The following LITAF variants were observed in gnomAD, a reference collection of about 807,000 sequenced individuals.
LITAF encodes the protein lipopolysaccharide induced TNF factor, also known as lipopolysaccharide-induced tumor necrosis factor-alpha factor.
LITAF carries 9 observed loss-of-function variants against 14.5 expected under a neutral mutation model. The observed-to-expected ratio is 0.62, with a 90% CI of 0.37 to 1.08. The LOEUF is 1.08. LITAF is among the 50% of genes least tolerant of loss of function. The pLI, the probability that LITAF is intolerant of heterozygous loss-of-function variation, is 0.01. For missense variants in LITAF, 206 were observed against 213.4 expected (o/e 0.97, Z 0.22); for synonymous variants, 98 against 88.2 (o/e 1.11, Z -0.62).
At chr16:11,629,468 C>G (rs2065105152) in intron 3 of LITAF, among the ~76,000 whole-genome samples, 1 of 152,138 alleles carries the variant, frequency 6.6e-6, no homozygotes, top group Admixed American at 6.6e-5. Context: ...CTGAGTCAGT[C>G]CCACCAGGAG....
At chr16:11,577,340 C>T (rs1308536221) in intron 1 of LITAF, among the ~76,000 whole-genome samples, 3 of 123,454 alleles carry the variant, frequency 2.4e-5, no homozygotes, top group East Asian at 2.5e-4. Context: ...TTTTTTGAGA[C>T]GGAGTCTCCC....
Position 11,619,574 on chromosome 16 carries a change from G to T in LITAF, c.85+13959C>A, listed in dbSNP as rs916874088. Among the ~76,000 whole-genome samples, 24 of 144,314 alleles carry T rather than the reference G, an allele frequency of 1.7e-4. No homozygotes were observed. In the East Asian group the frequency reaches 3.6e-3, roughly 22 times the overall value. 94.7% of individuals were successfully genotyped at this position (144,314 alleles called of 152,430 possible). ...TATTCTACTTTCCCACTTTGTTTTT[G>T]TTTTTTTTTTTGGAGACAGTCTCAG... On this transcript the variant is annotated intron_variant, in intron 3 of 3. Transcript: ENST00000574848.
intron 3 of LITAF, among the ~76,000 whole-genome samples, chr16:11,552,479 T>C (rs1012933507): frequency 6.6e-6 from 1 of 152,206 alleles, no homozygotes; most frequent in Non-Finnish European, 1.5e-5. Flanking sequence ...AATGTACAGA[T>C]TCTTTAAAGC....
intron 1 of LITAF, among the ~76,000 whole-genome samples, chr16:11,585,412 G>A (rs934930112): frequency 6.6e-6 from 1 of 152,110 alleles, no homozygotes; most frequent in Non-Finnish European, 1.5e-5. Flanking sequence ...ACAATTAAAT[G>A]TTTCTTAGAG....
intron 1 of LITAF, among the ~76,000 whole-genome samples, chr16:11,568,871 G>A (rs1473461844): frequency 3.9e-5 from 6 of 151,958 alleles, no homozygotes; most frequent in African/African-American, 9.7e-5. Context: ...GGAGGGACAG[G>A]GTTTCACCAT....
At chr16:11,627,537 T>C (rs2065091338) in intron 3 of LITAF, among the ~76,000 whole-genome samples, 2 of 152,186 alleles carry the variant, frequency 1.3e-5, no homozygotes, top group East Asian at 3.9e-4. Context: ...TCCTGACTAA[T>C]GTATTAGACT....
chr16:11,548,582 CTTTTTCT>C lies in LITAF; in HGVS notation c.*1048_*1054del, dbSNP rs2064137940. ...AGGCAGTAGATGAAATTATCCATTT[CTTTTTCT>C]TTTTTTTTTTTTTAAGTGAGACTAC... On this transcript the variant is annotated 3_prime_UTR_variant, in exon 4 of 4. Coordinates refer to ENST00000622633, the MANE Select transcript of LITAF (RefSeq NM_001136472.2). The C allele has an allele frequency of 2.3e-6, 1 of 437,414 alleles. No individual in the cohort carries two copies. Among genetic ancestry groups the C allele is most frequent in the African/African-American group, 2.2e-5 (1 of 44,942 alleles). The allele number at this position is 437,414 out of a possible 1,614,324, so 27.1% of individuals were successfully genotyped here.
intron 3 of LITAF, among the ~76,000 whole-genome samples, chr16:11,624,258 TC>T (rs1327878997): frequency 3.3e-5 from 5 of 152,202 alleles, no homozygotes; most frequent in African/African-American, 1.2e-4. Flanking sequence ...TCCAGCCTTA[TC>T]CCCAACCAAC....
chr16:11,577,064 T>C (rs2064648050), intron 1 of LITAF, among the ~76,000 whole-genome samples: 1 of 152,192 alleles, frequency 6.6e-6, no homozygotes, highest in South Asian at 2.1e-4. Flanking sequence ...CTTGATGACA[T>C]ATGTCTTCCT....
intron 1 of LITAF, among the ~76,000 whole-genome samples, chr16:11,579,032 T>C (rs2064688799): frequency 6.6e-6 from 1 of 151,658 alleles, no homozygotes; most frequent in Non-Finnish European, 1.5e-5. Context: ...CTACTAAAAA[T>C]ACAAAAATTA....
intron 3 of LITAF, among the ~76,000 whole-genome samples, chr16:11,627,419 C>T (rs2065090550): frequency 6.6e-6 from 1 of 152,338 alleles, no homozygotes; most frequent in South Asian, 2.1e-4. Flanking sequence ...CTGGATCCAG[C>T]CAGGCCTGAA....
At chr16:11,638,731 A>C (rs1442897212), upstream of LITAF, among the ~76,000 whole-genome samples, 2 of 140,568 alleles carry the variant, frequency 1.4e-5, no homozygotes, top group East Asian at 2.2e-4. Flanking sequence ...AAAAAAAAAA[A>C]AAAAAAAAAA....
At chr16:11,624,759 C>T (rs952289984) in intron 3 of LITAF, among the ~76,000 whole-genome samples, 5 of 152,190 alleles carry the variant, frequency 3.3e-5, no homozygotes, top group African/African-American at 1.2e-4. Context: ...CAGTATTTTG[C>T]AACTCTTCCT....
intron 1 of LITAF, among the ~76,000 whole-genome samples, chr16:11,565,909 G>A (rs2064444937): frequency 6.6e-6 from 1 of 151,832 alleles, no homozygotes; most frequent in Admixed American, 6.6e-5. Context: ...ATGGTGCAGA[G>A]GTCAAGGGCA....
intron 3 of LITAF, among the ~76,000 whole-genome samples, chr16:11,552,706 CA>C (rs996583929): frequency 2.0e-5 from 3 of 152,238 alleles, no homozygotes; most frequent in African/African-American, 7.2e-5. Context: ...CTTGGCCTCC[CA>C]GGGGGCATTT....
intron 3 of LITAF, among the ~76,000 whole-genome samples, chr16:11,613,703 G>C (rs530133850): frequency 6.6e-6 from 1 of 152,214 alleles, no homozygotes; most frequent in African/African-American, 2.4e-5. Context: ...CTTACAGGGA[G>C]CACAGCCGGA....
chr16:11,593,442 G>A (rs1374859882), intron 1 of LITAF, among the ~76,000 whole-genome samples: 1 of 150,888 alleles, frequency 6.6e-6, no homozygotes, highest in East Asian at 1.9e-4. Context: ...CATTGCTGGT[G>A]AGAACATAAA....
At chr16:11,576,618 T>A (rs77234327) in intron 1 of LITAF, among the ~76,000 whole-genome samples, 1 of 149,334 alleles carries the variant, frequency 6.7e-6, no homozygotes, top group African/African-American at 2.5e-5. Context: ...TCTGTGGTTC[T>A]ACACGGTCCC....
intron 3 of LITAF, among the ~76,000 whole-genome samples, chr16:11,618,635 T>A (rs1163396770): frequency 6.6e-6 from 1 of 152,046 alleles, no homozygotes; most frequent in Non-Finnish European, 1.5e-5. Context: ...CGCCTCCCAG[T>A]GGGTGGAGCA....
Sources: allele counts gnomAD v4.1 joint callset (sites outside exome capture counted in the v4.1 genomes callset), GRCh38; gene constraint gnomAD v4.1.1; transcripts MANE v1.5; gene names NCBI Gene and HGNC (gene_info 2026-07-23, HGNC 2026-07-21).